The following CAPN3 variants were observed in gnomAD, a reference collection of about 807,000 sequenced individuals.
The protein encoded by CAPN3 is calpain 3, also known as calpain-3.
Under a neutral mutation model 114.0 loss-of-function variants are expected in CAPN3, and 88 were observed. That is an observed-to-expected ratio of 0.77 (90% CI 0.65 to 0.92). The LOEUF is 0.92. Ranked by LOEUF, CAPN3 falls within the 40% of genes least tolerant of loss-of-function variation. The probability of loss-of-function intolerance (pLI) is 0.00; values close to 1 mark genes in which losing one functional copy is unlikely to be tolerated. For synonymous variants in CAPN3, 386 were observed against 382.9 expected (o/e 1.01, Z -0.09); for missense variants, 1,028 against 1,069.0 (o/e 0.96, Z 0.53).
At position 42,411,208 on chromosome 15, in the gene CAPN3, T is replaced by C. The variant is rs3115884; in HGVS notation, c.2381-79T>C. 0.5 allele frequency: 620,754 copies of C among 1,231,736 alleles called. 163,376 individuals are homozygous for C. The highest frequency in any genetic ancestry group is 0.57 in the Middle Eastern group (3,001 of 5,304). 76.3% of individuals were successfully genotyped at this position (1,231,736 alleles called of 1,614,324 possible). A position where few individuals can be genotyped will look rare whatever the true frequency, so the allele number is the denominator to read the frequency against. ...CTGATGAGGGACAGCACTGGGCACA[T>C]GGTCCTCTGAGGGGAAGTTACAGTA... On this transcript the variant is annotated intron_variant, in intron 22 of 23. Transcript: ENST00000397163.
At chr15:42,386,372 A>C (rs904229952) in intron 3 of CAPN3, 87 bp downstream of exon 3, 2 of 931,262 alleles carry the variant, frequency 2.1e-6, no homozygotes, top group African/African-American at 3.2e-5. Flanking sequence ...AAGCTGGAGG[A>C]AACTTCCCAC....
intron 1 of CAPN3, among the ~76,000 whole-genome samples, chr15:42,378,981 T>C (rs1566971646): frequency 6.6e-6 from 1 of 152,172 alleles, no homozygotes; most frequent in Non-Finnish European, 1.5e-5. Flanking sequence ...CGAGTATCAT[T>C]CCACTGTGGT....
In CAPN3 at chr15:42,360,134, C is replaced by G. The variant is rs200810768; in HGVS notation, c.309+20C>G. 1 of 1,613,952 alleles carries G rather than the reference C, an allele frequency of 6.2e-7. No homozygotes were observed. The highest frequency in any genetic ancestry group is 1.3e-5 in the African/African-American group (1 of 74,990). On this transcript the variant is annotated intron_variant, in intron 1 of 23. Transcript: ENST00000397163. ...CCTCCGGTGAGTAGCTTCCTGCTTG[C>G]TGGCTGGGTTTTCCCCCCACGGAGG... is the stretch of plus-strand genomic sequence containing the variant.
rs2052746574 is a variant in CAPN3 at position 42,365,180 on chromosome 15, C to CA, written c.309+5067dup. On this transcript the variant is annotated intron_variant, in intron 1 of 23. Transcript: ENST00000397163. The stretch of plus-strand genomic sequence containing the variant: ...CCTAGAGCTTGGAGAAGGAAGGGCC[C>CA]ACCGTATTTAGCAGCTGGATTAACC... Among the ~76,000 whole-genome samples the CA allele has an allele frequency of 5.9e-5, 9 of 152,290 alleles. No individual in the cohort carries two copies. In the South Asian group the frequency reaches 1.9e-3, roughly 32 times the overall value.
intron 1 of CAPN3, among the ~76,000 whole-genome samples, chr15:42,362,632 A>T (rs544014860): frequency 1.3e-5 from 2 of 152,232 alleles, no homozygotes; most frequent in Admixed American, 1.3e-4. Context: ...CATAAATGAG[A>T]AATATAAAAT....
At chr15:42,368,786 T>C (rs747830146) in intron 1 of CAPN3, among the ~76,000 whole-genome samples, 3 of 152,186 alleles carry the variant, frequency 2.0e-5, no homozygotes, top group Non-Finnish European at 4.4e-5. Context: ...GCGTGGTGGC[T>C]CACACCTGCA....
intron 2 of CAPN3, 77 bp downstream of exon 2, chr15:42,384,629 A>G (rs1421346319): frequency 9.3e-7 from 1 of 1,075,258 alleles, no homozygotes; most frequent in East Asian, 2.4e-5. Context: ...TCCAGGAGGT[A>G]AAGGGACAAT....
chr15:42,386,257 A>G lies in CAPN3; in HGVS notation c.470A>G (p.Glu157Gly). 6.2e-7 allele frequency: 1 copy of G among 1,613,588 alleles called. No individual in the cohort carries two copies. The change falls in exon 3 of 24, where the codon GAA becomes GGA. Residue 157 changes from glutamate (E) to glycine (G), a missense_variant. Transcript: ENST00000397163. ...ATACCCCATGATCAAAGTTTCATCGAAAACTACGCAGGGATCTTCCACTTC... is the reference window on the plus strand; with the variant it reads ...ATACCCCATGATCAAAGTTTCATCGGAAACTACGCAGGGATCTTCCACTTC... ...RVIPHDQSFIENYAGIFHFQF... is the reference protein window; with the variant it reads ...RVIPHDQSFIGNYAGIFHFQF...
intron 14 of CAPN3, 119 bp from the exon 15 acceptor site, chr15:42,405,807 G>A: frequency 1.3e-6 from 1 of 759,454 alleles, no homozygotes; most frequent in Middle Eastern, 2.4e-4. Context: ...TCAGATTTCT[G>A]GACCCTGGAG....
intron 6 of CAPN3, among the ~76,000 whole-genome samples, chr15:42,392,178 G>C (rs890133334): frequency 2.0e-5 from 3 of 151,800 alleles, no homozygotes; most frequent in Non-Finnish European, 2.9e-5. Context: ...AAACAAAAAA[G>C]AAAGAAAAAA....
At chr15:42,394,197 CAG>C in intron 7 of CAPN3, 57 bp from the exon 8 acceptor site, 1 of 1,474,666 alleles carries the variant, frequency 6.8e-7, no homozygotes, top group East Asian at 2.5e-5. Flanking sequence ...CTCAGCAAGA[CAG>C]AAGATTCCCT....
chr15:42,411,858 G>C lies in CAPN3; in HGVS notation c.*85G>C. ...ATTTCCAAAGCCATTTACCTCAAAG[G>C]ACCCAGCAGCTACACCCCTACAGGC... On this transcript the variant is annotated 3_prime_UTR_variant, in exon 24 of 24. Transcript: ENST00000397163. The C allele has an allele frequency of 2.5e-6, 4 of 1,610,798 alleles. No homozygotes were observed. Among genetic ancestry groups the C allele is most frequent in the Non-Finnish European group, 3.4e-6 (4 of 1,178,414 alleles).
intron 10 of CAPN3, among the ~76,000 whole-genome samples, chr15:42,401,051 G>A (rs962645753): frequency 2.6e-5 from 4 of 151,966 alleles, no homozygotes; most frequent in East Asian, 1.9e-4. Flanking sequence ...AAAATTAACC[G>A]GGGATGATGG....
chr15:42,411,420 C>G, intron 23 of CAPN3, 75 bp downstream of exon 23: 1 of 1,296,118 alleles, frequency 7.7e-7, no homozygotes, highest in Non-Finnish European at 1.1e-6. Flanking sequence ...CGGACTGGAC[C>G]CAGGGTGTGC....
At chr15:42,389,660 T>C (rs143642021) in intron 5 of CAPN3, among the ~76,000 whole-genome samples, 10 of 152,214 alleles carry the variant, frequency 6.6e-5, no homozygotes, top group African/African-American at 2.4e-4. Flanking sequence ...TATATTGATA[T>C]GATAATCTTA....
intron 10 of CAPN3, 52 bp from the exon 11 acceptor site, chr15:42,401,589 C>T (rs763325736): frequency 1.5e-4 from 230 of 1,571,360 alleles, no homozygotes; most frequent in Non-Finnish European, 1.9e-4. Context: ...TCATCCCCTT[C>T]CTGCCCTCTG....
chr15:42,402,852 CCA>C lies in CAPN3; in HGVS notation c.1596_1597del (p.Arg533GlufsTer43), dbSNP rs1290954068. Reference sequence around the variant, plus strand: ...TTCTTCCTGTACAACGCCTCCAAGGCCAGGAGCAAAACCTACATCAACATGCG... The same window carrying C: ...TTCTTCCTGTACAACGCCTCCAAGGCGGAGCAAAACCTACATCAACATGCG... On this transcript the variant is annotated frameshift_variant, in exon 13 of 24. Transcript: ENST00000397163. LOFTEE classifies it high-confidence loss of function. The C allele has an allele frequency of 3.7e-6, 6 of 1,614,204 alleles. No individual in the cohort carries two copies. In the South Asian group the frequency reaches 6.6e-5, roughly 18 times the overall value.
At chr15:42,390,219 A>G (rs1269730854) in intron 6 of CAPN3, 123 bp downstream of exon 6, 3 of 1,110,544 alleles carry the variant, frequency 2.7e-6, no homozygotes, top group South Asian at 1.3e-5. Flanking sequence ...GGCACCTCCC[A>G]AGGGTCTGGG....
At chr15:42,401,607 G>T in intron 10 of CAPN3, 34 bp from the exon 11 acceptor site, 1 of 1,611,494 alleles carries the variant, frequency 6.2e-7, no homozygotes, top group Non-Finnish European at 8.5e-7. Flanking sequence ...CTGAGAGGCA[G>T]CTGTGAATGC....
Sources: allele counts gnomAD v4.1 joint callset (sites outside exome capture counted in the v4.1 genomes callset), GRCh38; gene constraint gnomAD v4.1.1; transcripts MANE v1.5; gene names NCBI Gene and HGNC (gene_info 2026-07-23, HGNC 2026-07-21).